The following PDLIM5 variants were observed in gnomAD, a reference collection of about 807,000 sequenced individuals.
PDLIM5 encodes the protein PDZ and LIM domain protein 5.
Under a neutral mutation model 64.2 loss-of-function variants are expected in PDLIM5, and 34 were observed. That is an observed-to-expected ratio of 0.53 (90% CI 0.40 to 0.71). The LOEUF is 0.71. Among genes scored for constraint, PDLIM5 ranks in the 30% least tolerant of loss-of-function variants. The pLI is 0.00. For missense variants in PDLIM5, 683 were observed against 733.6 expected (o/e 0.93, Z 0.80); for synonymous variants, 253 against 269.1 (o/e 0.94, Z 0.59).
chr4:94,472,886 C>T (rs1407002437), intron 2 of PDLIM5, among the ~76,000 whole-genome samples: 1 of 152,158 alleles, frequency 6.6e-6, no homozygotes, highest in African/African-American at 2.4e-5. Flanking sequence ...ATATGCAGGA[C>T]ATTGTCCTAG....
At chr4:94,476,653 C>T (rs1442683845) in intron 2 of PDLIM5, among the ~76,000 whole-genome samples, 1 of 152,048 alleles carries the variant, frequency 6.6e-6, no homozygotes, top group Non-Finnish European at 1.5e-5. Context: ...GGTTGTTGTT[C>T]TGCAGTATTG....
At chr4:94,546,138 TGATGCTTGCTTTGGGAA>T (rs1409013687) in intron 3 of PDLIM5, among the ~76,000 whole-genome samples, 1 of 152,220 alleles carries the variant, frequency 6.6e-6, no homozygotes, top group Non-Finnish European at 1.5e-5. Flanking sequence ...TGACCATTTA[TGATGCTTGCTTTGGGAA>T]GAGGATATCC....
At chr4:94,516,585 G>A (rs1352303257) in intron 2 of PDLIM5, among the ~76,000 whole-genome samples, 1 of 152,022 alleles carries the variant, frequency 6.6e-6, no homozygotes, top group Non-Finnish European at 1.5e-5. Flanking sequence ...GTATGGTAGT[G>A]CAATCATGGC....
rs139242258 is a variant in PDLIM5, at chr4:94,558,927, G to A, written c.249-14424G>A. On this transcript the variant is annotated intron_variant, in intron 3 of 12. Coordinates refer to ENST00000317968, the MANE Select transcript of PDLIM5 (RefSeq NM_006457.5). ...ATGTGTTGGGTTACCTTTAAAAGTA[G>A]TTATGATAATTTTTTTTTGTCTAAA... 5.4e-3 allele frequency among the ~76,000 whole-genome samples: 813 copies of A among 151,926 alleles called. 20 individuals are homozygous for A. The highest frequency in any genetic ancestry group is 0.041 in the Admixed American group (620 of 15,254).
intron 7 of PDLIM5, chr4:94,588,049 T>C: frequency 1.1e-6 from 1 of 897,788 alleles, no homozygotes; most frequent in Non-Finnish European, 1.3e-6. Context: ...ATATAGTGTA[T>C]TATATATTAG....
At chr4:94,592,632 T>G (rs1346680042) in intron 7 of PDLIM5, among the ~76,000 whole-genome samples, 1 of 152,186 alleles carries the variant, frequency 6.6e-6, no homozygotes, top group African/African-American at 2.4e-5. Flanking sequence ...TTGTTTTGTT[T>G]TGTTTTGTTT....
In PDLIM5 at chr4:94,496,817, C is replaced by G. The variant is rs571058437; in HGVS notation, c.97-26907C>G. On this transcript the variant is annotated intron_variant, in intron 2 of 12. Coordinates refer to ENST00000317968, the MANE Select transcript of PDLIM5 (RefSeq NM_006457.5). ...CCAGATGCACATTTGACCTAATGAA[C>G]TGACAATTCACTGCTAATTTTAGGT... Among the ~76,000 whole-genome samples, 14 of 152,286 alleles carry G rather than the reference C, an allele frequency of 9.2e-5. 1 individual carries two copies. The East Asian group carries it at 2.5e-3, about 27-fold the overall frequency.
chr4:94,656,307 G>A (rs528641128), intron 10 of PDLIM5, among the ~76,000 whole-genome samples: 81 of 151,756 alleles, frequency 5.3e-4, no homozygotes, highest in African/African-American at 1.9e-3. Context: ...TATTTTAATG[G>A]CTCCATCTTT....
intron 2 of PDLIM5, among the ~76,000 whole-genome samples, chr4:94,521,256 C>G (rs1247742227): frequency 6.6e-6 from 1 of 151,834 alleles, no homozygotes; most frequent in African/African-American, 2.4e-5. Flanking sequence ...GGCCACCATT[C>G]GGGAATGTTA....
At position 94,664,098 on chromosome 4, in the gene PDLIM5, T is replaced by A. The variant is rs781515306; in HGVS notation, c.*31T>A. 1.1e-5 allele frequency: 17 copies of A among 1,492,326 alleles called. No homozygotes were observed. In the East Asian group the frequency reaches 4.0e-4, roughly 35 times the overall value. The allele number at this position is 1,492,326 out of a possible 1,614,324, so 92.4% of individuals were successfully genotyped here. On this transcript the variant is annotated 3_prime_UTR_variant, in exon 13 of 13. Coordinates refer to ENST00000317968, the MANE Select transcript of PDLIM5 (RefSeq NM_006457.5). ...AACAGTTCAGGAGAAGAGAAGGAAT[T>A]TGAAGAGAAAAAGGAAAATTAAAAT...
At chr4:94,593,047 C>T (rs1736790973) in intron 7 of PDLIM5, among the ~76,000 whole-genome samples, 1 of 152,132 alleles carries the variant, frequency 6.6e-6, no homozygotes, top group African/African-American at 2.4e-5. Context: ...TCATTTGACA[C>T]TTGATTTTCT....
chr4:94,522,836 C>T (rs1022162437), intron 2 of PDLIM5, among the ~76,000 whole-genome samples: 5 of 152,156 alleles, frequency 3.3e-5, no homozygotes, highest in African/African-American at 1.2e-4. Flanking sequence ...TCCCATCTTC[C>T]AGCAACTCAG....
rs1296086752 is a variant in PDLIM5 at position 94,666,770 on chromosome 4, C to G, written c.*2703C>G. On this transcript the variant is annotated 3_prime_UTR_variant, in exon 13 of 13. Transcript: ENST00000317968. ...TCATGAAGCATAATGTTGCATTTCTCCAAATTTTATGCCTGAAAGGGTAGT... is the reference window on the plus strand; with the variant it reads ...TCATGAAGCATAATGTTGCATTTCTGCAAATTTTATGCCTGAAAGGGTAGT... The G allele has an allele frequency of 6.6e-6, 1 of 152,182 alleles. No individual in the cohort carries two copies. Among genetic ancestry groups the G allele is most frequent in the Admixed American group, 6.5e-5 (1 of 15,280 alleles). 9.4% of individuals were successfully genotyped at this position (152,182 alleles called of 1,614,324 possible). A position where few individuals can be genotyped will look rare whatever the true frequency, so the allele number is the denominator to read the frequency against.
chr4:94,632,445 C>T (rs1403422089), intron 8 of PDLIM5, among the ~76,000 whole-genome samples: 1 of 152,112 alleles, frequency 6.6e-6, no homozygotes, highest in Non-Finnish European at 1.5e-5. Context: ...ATATATGTAT[C>T]TGCACTCCAG....
chr4:94,575,103 A>G (rs1735140916), intron 4 of PDLIM5, among the ~76,000 whole-genome samples: 1 of 151,782 alleles, frequency 6.6e-6, no homozygotes, highest in Non-Finnish European at 1.5e-5. Context: ...TTAAACTTAA[A>G]GAGTTAGAAA....
intron 3 of PDLIM5, among the ~76,000 whole-genome samples, chr4:94,530,077 A>G (rs1730728282): frequency 2.0e-5 from 3 of 152,222 alleles, no homozygotes; most frequent in African/African-American, 7.2e-5. Flanking sequence ...AGTTAGCTAC[A>G]TAGTAGGACA....
intron 3 of PDLIM5, among the ~76,000 whole-genome samples, chr4:94,532,888 A>G (rs887107887): frequency 6.6e-6 from 1 of 152,160 alleles, no homozygotes; most frequent in Admixed American, 6.5e-5. Context: ...TCTGTATTCC[A>G]GCTATTGGGG....
chr4:94,549,653 T>G (rs1008679575), intron 3 of PDLIM5: 1 of 152,152 alleles, frequency 6.6e-6, no homozygotes, highest in South Asian at 2.1e-4. Flanking sequence ...AAAAGCAAGG[T>G]GTAAAACAGT....
chr4:94,564,675 T>G (rs927600678), intron 3 of PDLIM5, among the ~76,000 whole-genome samples: 377 of 146,478 alleles, frequency 2.6e-3, no homozygotes, highest in Non-Finnish European at 4.3e-3. Context: ...TTTTTTTTTT[T>G]GACAGAGTCT....
Sources: gnomAD v4.1 joint callset for allele counts (sites outside exome capture counted in the v4.1 genomes callset) on GRCh38, gnomAD v4.1.1 for gene constraint, MANE v1.5 for transcripts, NCBI Gene and HGNC (gene_info 2026-07-23, HGNC 2026-07-21) for gene names.